Variants in CYFIP2 observed in about 807,000 individuals in gnomAD.
CYFIP2 encodes the protein cytoplasmic FMR1 interacting protein 2, also known as cytoplasmic FMR1-interacting protein 2.
A neutral mutation model predicts 158.7 loss-of-function variants in CYFIP2; 29 were observed. The ratio of observed to expected loss-of-function variants is 0.18; its 90% CI spans 0.14 to 0.25. The LOEUF (loss-of-function observed/expected upper bound fraction) is 0.25, where lower values mean the gene tolerates loss of function less well. CYFIP2 is among the 10% of genes least tolerant of loss of function. The pLI is 1.00. For missense variants in CYFIP2, 852 were observed against 1,639.5 expected (o/e 0.52, Z 8.29); for synonymous variants, 585 against 617.6 (o/e 0.95, Z 0.78).
chr5:157,280,563 A>G (rs191963121), intron 1 of CYFIP2, among the ~76,000 whole-genome samples: 2 of 152,020 alleles, frequency 1.3e-5, no homozygotes, highest in Admixed American at 6.5e-5. Context: ...CCCAGAAGAA[A>G]CCTAGTTACA....
chr5:157,281,284 A>T (rs947960261), intron 1 of CYFIP2, among the ~76,000 whole-genome samples: 19 of 152,146 alleles, frequency 1.2e-4, no homozygotes, highest in Admixed American at 1.3e-4. Context: ...TCATTTAGGG[A>T]TGTTAACAGC....
At chr5:157,281,798 A>C (rs1290321408) in intron 1 of CYFIP2, among the ~76,000 whole-genome samples, 1 of 152,206 alleles carries the variant, frequency 6.6e-6, no homozygotes, top group African/African-American at 2.4e-5. Flanking sequence ...TCTAGCCCCT[A>C]TCTCTTAACT....
At chr5:157,347,892 T>A (rs1366974247) in intron 23 of CYFIP2, among the ~76,000 whole-genome samples, 1 of 152,206 alleles carries the variant, frequency 6.6e-6, no homozygotes. Context: ...GGCCCCAGAC[T>A]CGGAGGCGGA....
chr5:157,267,258 G>C lies in CYFIP2; in HGVS notation c.-24+1063G>C, dbSNP rs559042505. 2.0e-5 allele frequency among the ~76,000 whole-genome samples: 3 copies of C among 152,360 alleles called. No individual in the cohort carries two copies. The East Asian group carries it at 5.8e-4, about 29-fold the overall frequency. ...TTTTTCTGCTAGTTCCTGGGTGCCT[G>C]TGCCCTCAGCATGGGCAGGGAGACG... On this transcript the variant is annotated intron_variant, in intron 1 of 30. Transcript: ENST00000620254.
chr5:157,382,076 C>T (rs1766183741), intron 26 of CYFIP2, among the ~76,000 whole-genome samples: 2 of 152,168 alleles, frequency 1.3e-5, no homozygotes, highest in Non-Finnish European at 2.9e-5. Context: ...CCAATCTGGC[C>T]TGGGTTCTCG....
At chr5:157,294,681 TG>T in intron 3 of CYFIP2, 101 bp from the exon 4 acceptor site, 1 of 825,940 alleles carries the variant, frequency 1.2e-6, no homozygotes, top group South Asian at 1.7e-5. Context: ...GTCCATGCTG[TG>T]GGTCCATGGA....
chr5:157,316,346 C>T (rs1431456461), intron 13 of CYFIP2, among the ~76,000 whole-genome samples: 2 of 151,986 alleles, frequency 1.3e-5, no homozygotes, highest in African/African-American at 2.4e-5. Context: ...CAAATATAGA[C>T]ATTTAGACCA....
intron 21 of CYFIP2, among the ~76,000 whole-genome samples, chr5:157,336,080 C>T (rs2113210051): frequency 6.6e-6 from 1 of 152,272 alleles, no homozygotes; most frequent in East Asian, 1.9e-4. Context: ...TGGATGGCCC[C>T]TGCTCGCCCT....
Position 157,343,367 on chromosome 5 carries a change from G to A in CYFIP2, c.2673+2210G>A, listed in dbSNP as rs34741916. On this transcript the variant is annotated intron_variant, in intron 23 of 30. Coordinates refer to ENST00000620254, the MANE Select transcript of CYFIP2 (RefSeq NM_001037333.3). The stretch of plus-strand genomic sequence containing the variant: ...ATGTTCCAGCACCACGGAGCTGATC[G>A]TTCGAGGCACCTTCTCCTCGTGGTG... 1,366 of 1,614,172 alleles carry A rather than the reference G, an allele frequency of 8.5e-4. 10 individuals are homozygous for A. In the African/African-American group the frequency reaches 0.011, roughly 13 times the overall value.
At chr5:157,381,124 T>C (rs1766020972) in intron 26 of CYFIP2, among the ~76,000 whole-genome samples, 2 of 152,042 alleles carry the variant, frequency 1.3e-5, no homozygotes, top group Admixed American at 1.3e-4. Context: ...GACCTATATA[T>C]CCGACCACCA....
At chr5:157,392,317 A>C (rs1767384239) in intron 30 of CYFIP2, among the ~76,000 whole-genome samples, 1 of 152,184 alleles carries the variant, frequency 6.6e-6, no homozygotes. Context: ...AACATCATGA[A>C]AATTTTTCCC....
At chr5:157,391,555 C>G (rs976063320) in intron 30 of CYFIP2, among the ~76,000 whole-genome samples, 3 of 152,190 alleles carry the variant, frequency 2.0e-5, no homozygotes, top group Admixed American at 6.5e-5. Flanking sequence ...CTTTTCGTGA[C>G]TGGCTTATTT....
At chr5:157,374,965 A>G (rs1226527429) in intron 26 of CYFIP2, among the ~76,000 whole-genome samples, 2 of 152,222 alleles carry the variant, frequency 1.3e-5, no homozygotes, top group Admixed American at 6.5e-5. Context: ...TCTAGGGGGC[A>G]GAGTCTGCTG....
chr5:157,364,719 T>C (rs1416400936), intron 26 of CYFIP2: 1 of 152,156 alleles, frequency 6.6e-6, no homozygotes, highest in East Asian at 1.9e-4. Flanking sequence ...CAGTGCTTTC[T>C]GAGATTAGAA....
At chr5:157,340,230 C>T (rs1156883549) in intron 22 of CYFIP2, among the ~76,000 whole-genome samples, 2 of 151,666 alleles carry the variant, frequency 1.3e-5, no homozygotes, top group East Asian at 3.9e-4. Flanking sequence ...TGTAAGGATG[C>T]AAAAAAAATG....
At position 157,377,062 on chromosome 5, in the gene CYFIP2, C is replaced by T. The variant is rs980657484; in HGVS notation, c.3040-5528C>T. On this transcript the variant is annotated intron_variant, in intron 26 of 30. Transcript: ENST00000620254. ...AGTCATCAGGTCTCTGGCCTCTGCT[C>T]ACTTCCTTCTATCTCCTTTGCCGCT... The T allele has an allele frequency of 2.8e-4, 93 of 329,440 alleles. 1 individual carries two copies. The Admixed American group carries it at 3.4e-3, about 12-fold the overall frequency. 20.4% of individuals were successfully genotyped at this position (329,440 alleles called of 1,614,324 possible).
chr5:157,323,015 T>C (rs1275445705), intron 15 of CYFIP2: 2 of 1,536,040 alleles, frequency 1.3e-6, no homozygotes, highest in Non-Finnish European at 1.7e-6. Flanking sequence ...TGCCGATCCC[T>C]GGTATCACAC....
intron 8 of CYFIP2, among the ~76,000 whole-genome samples, chr5:157,305,189 A>G (rs948055229): frequency 3.3e-5 from 5 of 152,098 alleles, no homozygotes; most frequent in African/African-American, 4.8e-5. Flanking sequence ...TATTTTTGCA[A>G]TTGTGAATTG....
intron 23 of CYFIP2, among the ~76,000 whole-genome samples, chr5:157,354,803 A>C (rs1429175546): frequency 6.6e-6 from 1 of 152,102 alleles, no homozygotes; most frequent in Admixed American, 6.5e-5. Flanking sequence ...AAACAGTTCC[A>C]ATACTATTCT....
Sources: allele counts gnomAD v4.1 joint callset (sites outside exome capture counted in the v4.1 genomes callset), GRCh38; gene constraint gnomAD v4.1.1; transcripts MANE v1.5; gene names NCBI Gene and HGNC (gene_info 2026-07-23, HGNC 2026-07-21).